Variants in IGF1 observed in about 807,000 individuals in gnomAD.
IGF1 encodes the protein insulin-like growth factor 1.
In IGF1, 4 loss-of-function variants were observed where a neutral mutation model predicts 13.8. The ratio of observed to expected loss-of-function variants is 0.29; its 90% confidence interval spans 0.14 to 0.66. The LOEUF is 0.66. IGF1 is among the 30% of genes least tolerant of loss of function. The pLI is 0.78. For synonymous variants in IGF1, 76 were observed against 72.6 expected (o/e 1.05, Z -0.23); for missense variants, 124 against 188.5 (o/e 0.66, Z 2.00).
At chr12:102,446,257 C>T (rs913895399) in intron 2 of IGF1, among the ~76,000 whole-genome samples, 5 of 152,120 alleles carry the variant, frequency 3.3e-5, no homozygotes, top group Non-Finnish European at 7.3e-5. Context: ...AGGGAGGAGT[C>T]CCTCTTTTTC....
Position 102,480,551 on chromosome 12 carries a change from T to C in IGF1, c.-170A>G. The C allele has an allele frequency of 1.4e-6, 2 of 1,477,392 alleles. No homozygotes were observed. The highest frequency in any genetic ancestry group is 2.5e-5 in the East Asian group (1 of 39,500). The allele number at this position is 1,477,392 out of a possible 1,614,324, so 91.5% of individuals were successfully genotyped here. On this transcript the variant is annotated 5_prime_UTR_variant, in exon 1 of 4. Coordinates refer to ENST00000337514, the MANE Select transcript of IGF1 (RefSeq NM_000618.5). ...TGAATTTAGCAGTGACAGTGAGATT[T>C]AGCAAACAGAAGAGGGATTTAGAGA...
chr12:102,458,978 G>A (rs1879678947), intron 2 of IGF1, among the ~76,000 whole-genome samples: 1 of 152,180 alleles, frequency 6.6e-6, no homozygotes, highest in Non-Finnish European at 1.5e-5. Context: ...AATGACTACA[G>A]CAAGTCATGC....
At chr12:102,410,190 C>T (rs542804829) in intron 3 of IGF1, among the ~76,000 whole-genome samples, 166 of 152,086 alleles carry the variant, frequency 1.1e-3, no homozygotes, top group African/African-American at 3.8e-3. Context: ...GTTTAAAAGC[C>T]TGGGGAACAA....
At position 102,434,518 on chromosome 12, in the gene IGF1, A is replaced by G. The variant is rs1445649103; in HGVS notation, c.221-14828T>C. Among the ~76,000 whole-genome samples the G allele has an allele frequency of 1.1e-4, 16 of 145,156 alleles. No homozygotes were observed. The East Asian group carries it at 2.2e-3, about 20-fold the overall frequency. ...GGCTGCATAGTATTCCATGGTGTATATGTGCCACATTTTCTTAATCCAGTC... is the reference window on the plus strand; with the variant it reads ...GGCTGCATAGTATTCCATGGTGTATGTGTGCCACATTTTCTTAATCCAGTC... On this transcript the variant is annotated intron_variant, in intron 2 of 3. Coordinates refer to ENST00000337514, the MANE Select transcript of IGF1 (RefSeq NM_000618.5).
chr12:102,409,535 G>T (rs1400638969), intron 3 of IGF1, among the ~76,000 whole-genome samples: 1 of 152,196 alleles, frequency 6.6e-6, no homozygotes, highest in Non-Finnish European at 1.5e-5. Flanking sequence ...TCTTCCTGTG[G>T]TATTCTCTAC....
chr12:102,439,438 T>TA (rs1297663741), intron 2 of IGF1, among the ~76,000 whole-genome samples: 13 of 152,288 alleles, frequency 8.5e-5, no homozygotes, highest in Admixed American at 8.5e-4. Context: ...GAGAAGTCAT[T>TA]AAAAACAGAA....
intron 3 of IGF1, among the ~76,000 whole-genome samples, chr12:102,406,113 A>T (rs1249614831): frequency 1.3e-5 from 2 of 152,252 alleles, no homozygotes; most frequent in Non-Finnish European, 2.9e-5. Context: ...GGTGGAGGCC[A>T]TTCAAACCAG....
intron 2 of IGF1, among the ~76,000 whole-genome samples, chr12:102,430,818 G>T (rs1365192887): frequency 1.3e-5 from 2 of 152,100 alleles, no homozygotes; most frequent in African/African-American, 4.8e-5. Flanking sequence ...TGCTCCCACG[G>T]TCCACTGAGA....
chr12:102,431,424 T>C (rs1244648750), intron 2 of IGF1, among the ~76,000 whole-genome samples: 1 of 152,196 alleles, frequency 6.6e-6, no homozygotes, highest in Non-Finnish European at 1.5e-5. Flanking sequence ...ACCAATAGCT[T>C]CCCTTTATTG....
At chr12:102,450,385 T>C (rs1878811806) in intron 2 of IGF1, among the ~76,000 whole-genome samples, 3 of 152,260 alleles carry the variant, frequency 2.0e-5, no homozygotes, top group Admixed American at 2.0e-4. Context: ...CTTTCCACTT[T>C]CTTTGTGAAG....
rs927279540 is a variant in IGF1 at position 102,395,996 on chromosome 12, A to G, written c.*6511T>C. 11 of 152,230 alleles carry G rather than the reference A, an allele frequency of 7.2e-5. No individual in the cohort carries two copies. The highest frequency in any genetic ancestry group is 2.2e-4 in the African/African-American group (9 of 41,466). 9.4% of individuals were successfully genotyped at this position (152,230 alleles called of 1,614,324 possible). ...ACAGTAAATGTAAGATAATGATTCA[A>G]TTAGTTACATTTTTAGAAGTCATTA... On this transcript the variant is annotated 3_prime_UTR_variant, in exon 4 of 4. Coordinates refer to ENST00000337514, the MANE Select transcript of IGF1 (RefSeq NM_000618.5).
intron 2 of IGF1, among the ~76,000 whole-genome samples, chr12:102,443,813 T>TA (rs1226479664): frequency 6.6e-6 from 1 of 152,014 alleles, no homozygotes; most frequent in Non-Finnish European, 1.5e-5. Context: ...TGTAACTTTT[T>TA]ATTTTTATTT....
chr12:102,436,846 TC>T (rs559432294), intron 2 of IGF1, among the ~76,000 whole-genome samples: 3 of 152,150 alleles, frequency 2.0e-5, no homozygotes, highest in Non-Finnish European at 2.9e-5. Flanking sequence ...CACATGAAGC[TC>T]TGTTTCTTTT....
At chr12:102,458,072 A>T (rs1443682354) in intron 2 of IGF1, among the ~76,000 whole-genome samples, 2 of 152,180 alleles carry the variant, frequency 1.3e-5, no homozygotes, top group East Asian at 3.8e-4. Context: ...AGTTGGATCC[A>T]TTTCTGGTGC....
At chr12:102,474,122 C>T (rs139140526) in intron 2 of IGF1, among the ~76,000 whole-genome samples, 84 of 152,298 alleles carry the variant, frequency 5.5e-4, no homozygotes, top group African/African-American at 1.9e-3. Context: ...GGATCAGTAG[C>T]TGCAAATTAT....
intron 2 of IGF1, among the ~76,000 whole-genome samples, chr12:102,448,692 A>AAAAT (rs998134738): frequency 1.1e-3 from 6 of 5,282 alleles, no homozygotes; most frequent in African/African-American, 1.9e-3. Context: ...AGTATAATAA[A>AAAAT]AAAAAAAAAA....
At chr12:102,440,975 A>G (rs1877662557) in intron 2 of IGF1, among the ~76,000 whole-genome samples, 1 of 152,074 alleles carries the variant, frequency 6.6e-6, no homozygotes, top group Non-Finnish European at 1.5e-5. Context: ...TAAAATGGCA[A>G]TTTTCTTTCT....
At chr12:102,414,570 T>A (rs1350500214) in intron 3 of IGF1, among the ~76,000 whole-genome samples, 1 of 152,048 alleles carries the variant, frequency 6.6e-6, no homozygotes, top group Admixed American at 6.6e-5. Flanking sequence ...TACAGGTGCG[T>A]GCCACCATGC....
At chr12:102,475,967 G>A (rs1375266721) in intron 1 of IGF1, among the ~76,000 whole-genome samples, 168 bp from the exon 2 acceptor site, 1 of 152,200 alleles carries the variant, frequency 6.6e-6, no homozygotes, top group Non-Finnish European at 1.5e-5. Flanking sequence ...GTTGTGGATG[G>A]AGCGTGTCTC....
Sources: allele counts gnomAD v4.1 joint callset (sites outside exome capture counted in the v4.1 genomes callset), GRCh38; gene constraint gnomAD v4.1.1; transcripts MANE v1.5; gene names NCBI Gene and HGNC (gene_info 2026-07-23, HGNC 2026-07-21).